Variants in ADAMTSL1 observed in about 807,000 individuals in gnomAD.
The protein encoded by ADAMTSL1 is ADAMTS-like protein 1.
A neutral mutation model predicts 201.8 loss-of-function variants in ADAMTSL1; 126 were observed. That is an observed-to-expected ratio of 0.62 (90% CI 0.54 to 0.72). The LOEUF (loss-of-function observed/expected upper bound fraction) is 0.72. Among genes scored for constraint, ADAMTSL1 ranks in the 30% least tolerant of loss-of-function variants. The pLI is 0.00. For missense variants in ADAMTSL1, 2,679 were observed against 2,277.8 expected (o/e 1.18, Z -3.59); for synonymous variants, 1,121 against 903.4 (o/e 1.24, Z -4.32).
At chr9:18,655,893 C>G (rs906388424) in intron 7 of ADAMTSL1, among the ~76,000 whole-genome samples, 4 of 147,376 alleles carry the variant, frequency 2.7e-5, no homozygotes, top group Non-Finnish European at 5.9e-5. Flanking sequence ...ATTAGGTACC[C>G]TTGTATCTGA....
intron 1 of ADAMTSL1, among the ~76,000 whole-genome samples, chr9:17,997,777 G>A (rs62553114): frequency 0.012 from 1,822 of 152,120 alleles, 11 homozygotes; most frequent in Non-Finnish European, 0.018. Context: ...AAAAATGACA[G>A]TTGGTATTAT....
At chr9:18,185,906 T>A (rs545765991) in intron 2 of ADAMTSL1, among the ~76,000 whole-genome samples, 1 of 152,260 alleles carries the variant, frequency 6.6e-6, no homozygotes, top group South Asian at 2.1e-4. Context: ...TGTTTGACCA[T>A]GGAACATGGA....
At chr9:18,800,517 C>T (rs1412989972) in intron 20 of ADAMTSL1, among the ~76,000 whole-genome samples, 2 of 151,550 alleles carry the variant, frequency 1.3e-5, no homozygotes, top group East Asian at 3.9e-4. Context: ...ATAGCTAAGA[C>T]CCTTAAGTTT....
At chr9:17,921,217 A>G (rs1367772539) in intron 1 of ADAMTSL1, among the ~76,000 whole-genome samples, 2 of 152,146 alleles carry the variant, frequency 1.3e-5, no homozygotes, top group Non-Finnish European at 2.9e-5. Flanking sequence ...AAATTTACGT[A>G]GATTTTGAAC....
Position 18,474,249 on chromosome 9 carries a change from G to A in ADAMTSL1, c.17G>A (p.Arg6Gln). Residue 6 changes from arginine (R) to glutamine (Q), a missense_variant, in exon 1 of 29, where the codon CGG becomes CAG. By Grantham distance (43) the Arg-to-Gln change is conservative (BLOSUM62 1). Coordinates refer to ENST00000380548, the MANE Select transcript of ADAMTSL1 (RefSeq NM_001040272.6). ...GATCCAAGCATGGAATGCTGCCGTC[G>A]GGCAACTCCTGGCACACTGCTCCTC... Reference protein sequence around the residue: MECCRRATPGTLLLFL... With the variant: MECCRQATPGTLLLFL... 1 of 1,614,030 alleles carries A rather than the reference G, an allele frequency of 6.2e-7. No individual in the cohort carries two copies. The highest frequency in any genetic ancestry group is 1.1e-5 in the South Asian group (1 of 91,066).
intron 1 of ADAMTSL1, among the ~76,000 whole-genome samples, chr9:18,144,257 A>G (rs1261125554): frequency 6.6e-6 from 1 of 151,612 alleles, no homozygotes; most frequent in Non-Finnish European, 1.5e-5. Flanking sequence ...CTCAGGCTGG[A>G]GTGCAGTGGC....
intron 1 of ADAMTSL1, among the ~76,000 whole-genome samples, chr9:17,961,361 G>T (rs1446038525): frequency 6.6e-6 from 1 of 152,056 alleles, no homozygotes; most frequent in Non-Finnish European, 1.5e-5. Flanking sequence ...TGATTCTCCT[G>T]CCTCCGCCTC....
intron 9 of ADAMTSL1, among the ~76,000 whole-genome samples, chr9:18,675,376 C>A (rs1232294259): frequency 6.6e-6 from 1 of 152,150 alleles, no homozygotes; most frequent in Admixed American, 6.5e-5. Flanking sequence ...CTAGCTAATG[C>A]AGTTACATAG....
chr9:17,976,030 A>G (rs1351308712), intron 1 of ADAMTSL1, among the ~76,000 whole-genome samples: 1 of 152,020 alleles, frequency 6.6e-6, no homozygotes, highest in Non-Finnish European at 1.5e-5. Flanking sequence ...ACTTCACTGT[A>G]TATGTGTGAA....
At chr9:18,374,400 C>G (rs1837193174) in intron 2 of ADAMTSL1, among the ~76,000 whole-genome samples, 1 of 151,456 alleles carries the variant, frequency 6.6e-6, no homozygotes, top group South Asian at 2.1e-4. Context: ...GTGGTGCAGT[C>G]ACCACTGTCT....
intron 4 of ADAMTSL1, among the ~76,000 whole-genome samples, chr9:18,609,313 C>T (rs1027147198): frequency 1.3e-5 from 2 of 151,286 alleles, no homozygotes; most frequent in African/African-American, 4.9e-5. Flanking sequence ...TTTGCTACTC[C>T]ACAGCAATTT....
rs73420877 is a variant in ADAMTSL1, at chr9:18,106,277, C to T, written c.88-57585C>T. 7.3e-3 allele frequency among the ~76,000 whole-genome samples: 1,113 copies of T among 152,310 alleles called. 19 individuals are homozygous for T. Among genetic ancestry groups the T allele is most frequent in the African/African-American group, 0.026 (1,064 of 41,574 alleles). ...CCTCATATGAAAAGACATTTGTTTC[C>T]AGATACAATGCTAAACTGGGATTGC... On this transcript the variant is annotated intron_variant, in intron 1 of 29. Coordinates refer to the ADAMTSL1 transcript ENST00000680146.
chr9:17,986,463 A>G (rs1433209760), intron 1 of ADAMTSL1, among the ~76,000 whole-genome samples: 2 of 151,970 alleles, frequency 1.3e-5, no homozygotes, highest in Non-Finnish European at 2.9e-5. Context: ...GTGGAAGAAA[A>G]CTCAATGTGA....
chr9:18,502,908 A>G (rs913509343), intron 1 of ADAMTSL1, among the ~76,000 whole-genome samples: 8 of 152,060 alleles, frequency 5.3e-5, no homozygotes, highest in Non-Finnish European at 1.5e-5. Flanking sequence ...GTTTATACAT[A>G]TTAATAATAA....
At chr9:18,128,906 A>G (rs191772404) in intron 1 of ADAMTSL1, among the ~76,000 whole-genome samples, 19 of 152,292 alleles carry the variant, frequency 1.2e-4, no homozygotes, top group Admixed American at 9.8e-4. Context: ...AAGGTATAAA[A>G]TATTTTCCTT....
At chr9:18,865,329 T>C (rs1827460595) in intron 23 of ADAMTSL1, among the ~76,000 whole-genome samples, 1 of 152,198 alleles carries the variant, frequency 6.6e-6, no homozygotes, top group African/African-American at 2.4e-5. Flanking sequence ...CTGAGAATGA[T>C]GGTTTCCAGC....
intron 1 of ADAMTSL1, among the ~76,000 whole-genome samples, chr9:17,936,498 C>T (rs1827014356): frequency 6.6e-6 from 1 of 152,150 alleles, no homozygotes; most frequent in Admixed American, 6.6e-5. Context: ...GCCTTCGTTT[C>T]CCTTCCGTAA....
intron 3 of ADAMTSL1, among the ~76,000 whole-genome samples, chr9:18,534,919 A>C (rs1819666187): frequency 6.6e-6 from 1 of 152,196 alleles, no homozygotes. Flanking sequence ...TGGTCCAGGA[A>C]ACCATTTTTC....
intron 16 of ADAMTSL1, 106 bp from the exon 17 acceptor site, chr9:18,770,496 A>ATT: frequency 8.5e-7 from 1 of 1,172,632 alleles, no homozygotes. Flanking sequence ...CTTCTTCTGG[A>ATT]TTTTTTTTTC....
Sources: gnomAD v4.1 joint callset for allele counts (sites outside exome capture counted in the v4.1 genomes callset) on GRCh38, gnomAD v4.1.1 for gene constraint, MANE v1.5 for transcripts, NCBI Gene and HGNC (gene_info 2026-07-23, HGNC 2026-07-21) for gene names.